The following BCCIP variants were observed in gnomAD, a reference collection of about 807,000 sequenced individuals.
The protein encoded by BCCIP is BRCA2 and CDKN1A-interacting protein.
Under a neutral mutation model 32.8 loss-of-function variants are expected in BCCIP, and 23 were observed. The ratio of observed to expected loss-of-function variants is 0.70; its 90% CI spans 0.51 to 0.99. The LOEUF is 0.99. Ranked by LOEUF, BCCIP falls within the 50% of genes least tolerant of loss-of-function variation. BCCIP has a pLI of 0.00. For missense variants in BCCIP, 378 were observed against 379.8 expected (o/e 1.00, Z 0.04); for synonymous variants, 144 against 137.6 (o/e 1.05, Z -0.33).
downstream of BCCIP, among the ~76,000 whole-genome samples, chr10:125,839,844 A>G (rs1854819500): frequency 6.6e-6 from 1 of 152,076 alleles, no homozygotes; most frequent in Admixed American, 6.6e-5. Context: ...TGGACAGAAG[A>G]CCCTCATTTA....
chr10:125,840,793 T>C (rs889234604), downstream of BCCIP: 3 of 1,513,890 alleles, frequency 2.0e-6, no homozygotes, highest in African/African-American at 2.8e-5. Flanking sequence ...GGACTCAGAC[T>C]TATCTAGGGA....
At chr10:125,838,288 T>C (rs962376016), downstream of BCCIP, 9 of 1,614,030 alleles carry the variant, frequency 5.6e-6, no homozygotes, top group Non-Finnish European at 6.8e-6. Flanking sequence ...CACTCTGGCA[T>C]CTTCTTGGTG....
downstream of BCCIP, among the ~76,000 whole-genome samples, chr10:125,837,454 G>A (rs781589611): frequency 1.2e-4 from 19 of 152,078 alleles, no homozygotes; most frequent in African/African-American, 2.4e-4. Flanking sequence ...TTTAGACAGC[G>A]TCTTGGTCTG....
At chr10:125,836,835 TGTG>T, downstream of BCCIP, 1 of 1,614,194 alleles carries the variant, frequency 6.2e-7, no homozygotes, top group Non-Finnish European at 8.5e-7. Context: ...GAAATAGTAT[TGTG>T]GTACCAGCTG....
intron 7 of BCCIP, chr10:125,852,355 A>G: frequency 6.2e-7 from 1 of 1,614,206 alleles, no homozygotes; most frequent in Non-Finnish European, 8.5e-7. Flanking sequence ...CATAAAAAGC[A>G]CCATGCTTGT....
At chr10:125,825,808 T>C (rs1188631638) in intron 1 of BCCIP, 1 of 152,254 alleles carries the variant, frequency 6.6e-6, no homozygotes, top group Non-Finnish European at 1.5e-5. Flanking sequence ...TGTTAGTGTT[T>C]AAAAGCAACT....
rs3740206 is a variant in BCCIP, at chr10:125,834,003, T to C, written c.774+57T>C. Reference sequence around the variant, plus strand: ...AAATAAGGATTTTCTTGAAAATGATTTATCAAGATTTATTGTTCTCCCACT... The same window carrying C: ...AAATAAGGATTTTCTTGAAAATGATCTATCAAGATTTATTGTTCTCCCACT... On this transcript the variant is annotated intron_variant, in intron 6 of 6. Coordinates refer to ENST00000278100, the MANE Select transcript of BCCIP (RefSeq NM_078468.3). The C allele has an allele frequency of 1.9e-6, 3 of 1,564,094 alleles. No homozygotes were observed. In the East Asian group the frequency reaches 6.7e-5, roughly 35 times the overall value.
intron 1 of BCCIP, 58 bp downstream of exon 1, chr10:125,823,780 C>T: frequency 6.3e-7 from 1 of 1,593,352 alleles, no homozygotes; most frequent in Admixed American, 1.7e-5. Context: ...TTTGGCAAGC[C>T]CAGGCTGTGT....
At chr10:125,823,777 A>G in intron 1 of BCCIP, 55 bp downstream of exon 1, 1 of 1,597,478 alleles carries the variant, frequency 6.3e-7, no homozygotes, top group African/African-American at 1.3e-5. Flanking sequence ...CTTTTTGGCA[A>G]GCCCAGGCTG....
downstream of BCCIP, chr10:125,838,430 T>C (rs1854770626): frequency 6.7e-7 from 1 of 1,489,158 alleles, no homozygotes; most frequent in South Asian, 1.4e-5. Context: ...TGTATTAATA[T>C]GGAGATCATT....
At chr10:125,853,340 T>C (rs1057420338) in exon 8 of BCCIP, 2 of 647,478 alleles carry the variant, frequency 3.1e-6, no homozygotes, top group Non-Finnish European at 4.8e-6. Context: ...TTAGTTTCGT[T>C]TGAGATCTCA....
downstream of BCCIP, among the ~76,000 whole-genome samples, chr10:125,837,720 A>T (rs1325095337): frequency 6.6e-6 from 1 of 152,098 alleles, no homozygotes; most frequent in Non-Finnish European, 1.5e-5. Context: ...GATCCTTAAA[A>T]CTATATCGAG....
intron 7 of BCCIP, among the ~76,000 whole-genome samples, chr10:125,850,688 C>G (rs1002128305): frequency 6.6e-6 from 1 of 152,200 alleles, no homozygotes; most frequent in African/African-American, 2.4e-5. Context: ...CCCCTGTTTT[C>G]ATGAGGCGTT....
At chr10:125,842,016 T>C in exon 7 of BCCIP, 1 of 1,416,244 alleles carries the variant, frequency 7.1e-7, no homozygotes, top group South Asian at 1.6e-5. Flanking sequence ...CCCTCCTGCA[T>C]GAAACAAGCA....
chr10:125,824,295 CCTTT>C (rs1224277729), intron 1 of BCCIP, among the ~76,000 whole-genome samples: 2 of 152,188 alleles, frequency 1.3e-5, no homozygotes, highest in Admixed American at 1.3e-4. Context: ...GAACTGTGTT[CCTTT>C]CTTCAGACTA....
At chr10:125,847,438 C>A (rs1944036411), downstream of BCCIP, among the ~76,000 whole-genome samples, 1 of 152,154 alleles carries the variant, frequency 6.6e-6, no homozygotes, top group South Asian at 2.1e-4. Flanking sequence ...TCCAGAGTGC[C>A]ACTGGAACTT....
At chr10:125,850,134 TA>T (rs371549545) in intron 7 of BCCIP, among the ~76,000 whole-genome samples, 53,293 of 133,534 alleles carry the variant, frequency 0.4, 10,578 homozygotes, top group Non-Finnish European at 0.45. Flanking sequence ...CCTGGCTCAT[TA>T]AAAAAAAAAA....
chr10:125,837,019 TTC>T (rs752785187), downstream of BCCIP, among the ~76,000 whole-genome samples: 15 of 152,304 alleles, frequency 9.8e-5, no homozygotes, highest in South Asian at 2.1e-4. Context: ...AATAAATACT[TTC>T]TGTTTTTTAT....
At chr10:125,840,633 G>A (rs1323891824), downstream of BCCIP, among the ~76,000 whole-genome samples, 3 of 152,220 alleles carry the variant, frequency 2.0e-5, no homozygotes, top group Non-Finnish European at 4.4e-5. Flanking sequence ...GTACAGGCCC[G>A]CCATGGTGGC....
Sources: gnomAD v4.1 joint callset for allele counts (sites outside exome capture counted in the v4.1 genomes callset) on GRCh38, gnomAD v4.1.1 for gene constraint, MANE v1.5 for transcripts, NCBI Gene and HGNC (gene_info 2026-07-23, HGNC 2026-07-21) for gene names.